RALGPS1: variants seen among roughly 807,000 people sequenced by gnomAD.
RALGPS1 encodes Ral GEF with PH domain and SH3 binding motif 1.
A neutral mutation model predicts 78.8 loss-of-function variants in RALGPS1; 19 were observed. That is an observed-to-expected ratio of 0.24 (90% CI 0.17 to 0.35). The LOEUF (loss-of-function observed/expected upper bound fraction) is 0.35, where lower values mean the gene tolerates loss of function less well. RALGPS1 is among the 10% of genes least tolerant of loss of function. The pLI is 1.00. For synonymous variants in RALGPS1, 228 were observed against 256.3 expected, an observed-to-expected ratio of 0.89 and a Z score of 1.06; for missense variants, 454 against 688.3, an observed-to-expected ratio of 0.66 and a Z score of 3.81.
intron 14 of RALGPS1, among the ~76,000 whole-genome samples, chr9:127,201,384 G>A (rs1485432258): frequency 6.6e-6 from 1 of 152,176 alleles, no homozygotes; most frequent in Admixed American, 6.5e-5. Context: ...GATGCCAGTG[G>A]GCCTGCGATG....
intron 4 of RALGPS1, chr9:126,978,006 G>A (rs1356322942): frequency 6.2e-6 from 2 of 322,396 alleles, no homozygotes; most frequent in African/African-American, 4.3e-5. Flanking sequence ...TGAGAGTCAG[G>A]TCTTAACACC....
intron 1 of RALGPS1, among the ~76,000 whole-genome samples, chr9:126,932,404 C>T (rs1401401477): frequency 6.6e-6 from 1 of 152,126 alleles, no homozygotes; most frequent in Non-Finnish European, 1.5e-5. Context: ...AACTTTGAGA[C>T]AGACACAAAG....
At chr9:127,076,858 G>A (rs2050724122) in intron 8 of RALGPS1, among the ~76,000 whole-genome samples, 1 of 152,248 alleles carries the variant, frequency 6.6e-6, no homozygotes, top group Admixed American at 6.5e-5. Context: ...TTTCTGGAGG[G>A]AAGTAGAGTC....
intron 11 of RALGPS1, chr9:127,178,104 A>T: frequency 9.2e-7 from 1 of 1,083,274 alleles, no homozygotes; most frequent in Non-Finnish European, 1.3e-6. Context: ...TACCAATCCC[A>T]GGGATGGCTG....
intron 1 of RALGPS1, among the ~76,000 whole-genome samples, chr9:126,946,168 C>T (rs1478863714): frequency 2.6e-5 from 4 of 151,964 alleles, no homozygotes; most frequent in Non-Finnish European, 5.9e-5. Context: ...CGTGATGGCC[C>T]AGGACAGAGA....
intron 1 of RALGPS1, among the ~76,000 whole-genome samples, chr9:126,923,448 C>T (rs2034965674): frequency 6.6e-6 from 1 of 152,086 alleles, no homozygotes; most frequent in South Asian, 2.1e-4. Flanking sequence ...GACAGGGCTT[C>T]ATTGGAAAAA....
rs570466760 is a variant in RALGPS1, at chr9:127,078,578, G to A, written c.610+9222G>A. On this transcript the variant is annotated intron_variant, in intron 8 of 18. Coordinates refer to ENST00000259351, the MANE Select transcript of RALGPS1 (RefSeq NM_014636.3). ...GGAAAACATGTGGGGGCCAAGAAAG[G>A]AGCACTAGGTGGAAAGTCTTGTTTT... is the stretch of plus-strand genomic sequence containing the variant. 4.6e-5 allele frequency among the ~76,000 whole-genome samples: 7 copies of A among 152,300 alleles called. No homozygotes were observed. In the South Asian group the frequency reaches 1.2e-3, roughly 27 times the overall value.
chr9:127,161,532 C>T (rs1245709272), intron 8 of RALGPS1, among the ~76,000 whole-genome samples: 5 of 152,156 alleles, frequency 3.3e-5, no homozygotes, highest in Admixed American at 3.3e-4. Flanking sequence ...TGGAAGGACC[C>T]GCAGGACTGG....
intron 5 of RALGPS1, among the ~76,000 whole-genome samples, chr9:127,045,791 ACACAC>A (rs1323219245): frequency 1.4e-5 from 2 of 145,048 alleles, no homozygotes; most frequent in Non-Finnish European, 3.0e-5. Flanking sequence ...ACACACACAC[ACACAC>A]AATTTCTTGG....
intron 1 of RALGPS1, among the ~76,000 whole-genome samples, chr9:126,930,140 C>A (rs2035662901): frequency 6.6e-6 from 1 of 150,808 alleles, no homozygotes; most frequent in South Asian, 2.1e-4. Context: ...TACTGGGATT[C>A]TTTACCTAAT....
intron 8 of RALGPS1, among the ~76,000 whole-genome samples, chr9:127,134,390 A>C (rs1379342209): frequency 2.0e-5 from 3 of 152,194 alleles, no homozygotes; most frequent in Non-Finnish European, 4.4e-5. Flanking sequence ...CCTGGAGGAC[A>C]CTGAGCCAGT....
At chr9:126,925,630 A>T (rs2035200653) in intron 1 of RALGPS1, among the ~76,000 whole-genome samples, 1 of 152,116 alleles carries the variant, frequency 6.6e-6, no homozygotes, top group Non-Finnish European at 1.5e-5. Context: ...AGGCAGGAAG[A>T]TTGCTTGAGT....
intron 1 of RALGPS1, among the ~76,000 whole-genome samples, chr9:126,930,844 A>G (rs1215527285): frequency 6.6e-6 from 1 of 152,244 alleles, no homozygotes; most frequent in East Asian, 1.9e-4. Flanking sequence ...CCTACTATAT[A>G]AAAGCAGTGC....
At chr9:126,923,293 TAGAG>T (rs2034948121) in intron 1 of RALGPS1, among the ~76,000 whole-genome samples, 1 of 152,106 alleles carries the variant, frequency 6.6e-6, no homozygotes, top group Non-Finnish European at 1.5e-5. Context: ...AATGGAAGCT[TAGAG>T]AGGTTAAACA....
intron 8 of RALGPS1, among the ~76,000 whole-genome samples, chr9:127,157,767 CTAAT>C (rs568450095): frequency 3.9e-5 from 6 of 152,044 alleles, no homozygotes; most frequent in Non-Finnish European, 8.8e-5. Flanking sequence ...AATGTGATAA[CTAAT>C]CATATCACCT....
intron 11 of RALGPS1, among the ~76,000 whole-genome samples, chr9:127,181,409 C>T (rs957278781): frequency 6.6e-6 from 1 of 152,180 alleles, no homozygotes; most frequent in Non-Finnish European, 1.5e-5. Context: ...TGCAGGTGCT[C>T]GCGCAGCCTC....
At chr9:127,000,141 G>C (rs2043155495) in intron 4 of RALGPS1, among the ~76,000 whole-genome samples, 1 of 151,774 alleles carries the variant, frequency 6.6e-6, no homozygotes, top group African/African-American at 2.4e-5. Flanking sequence ...TAATTTTATT[G>C]ATCTCAAGGA....
intron 11 of RALGPS1, among the ~76,000 whole-genome samples, chr9:127,176,980 C>T: frequency 6.6e-6 from 1 of 152,246 alleles, no homozygotes; most frequent in South Asian, 2.1e-4. Context: ...TTTTTGTGGT[C>T]TGCTCCTGCT....
At position 127,122,105 on chromosome 9, in the gene RALGPS1, C is replaced by T. The variant is rs1056264181; in HGVS notation, c.611-43964C>T. On this transcript the variant is annotated intron_variant, in intron 8 of 18. Coordinates refer to ENST00000259351, the MANE Select transcript of RALGPS1 (RefSeq NM_014636.3). This position sits in a 1 kb window ranked among gnomAD's most constrained non-coding sequence, Gnocchi z 6.4. ...TCATGAAGTCCTCGAGATGCCAGCC[C>T]ATGATCATGTGCCCCCAAACACCAC... Among the ~76,000 whole-genome samples the T allele has an allele frequency of 1.3e-5, 2 of 152,218 alleles. No homozygotes were observed. Among genetic ancestry groups the T allele is most frequent in the Non-Finnish European group, 2.9e-5 (2 of 68,038 alleles).
Sources: gnomAD v4.1 joint callset for allele counts (sites outside exome capture counted in the v4.1 genomes callset) on GRCh38, gnomAD v4.1.1 for gene constraint, Gnocchi (gnomAD v3.1) non-coding constraint, MANE v1.5 for transcripts, NCBI Gene and HGNC (gene_info 2026-07-23, HGNC 2026-07-21) for gene names.